Variants in SLC16A5 observed in about 807,000 individuals in gnomAD.
The protein encoded by SLC16A5 is monocarboxylate transporter 6.
A neutral mutation model predicts 33.2 loss-of-function variants in SLC16A5; 29 were observed. The observed-to-expected ratio is 0.87, with a 90% CI of 0.65 to 1.19. The LOEUF (loss-of-function observed/expected upper bound fraction) is 1.19. SLC16A5 is among the 50% of genes most tolerant of loss of function. SLC16A5 has a pLI of 0.00. For synonymous variants in SLC16A5, 248 were observed against 284.1 expected, an observed-to-expected ratio of 0.87 and a Z score of 1.28; for missense variants, 606 against 678.2, an observed-to-expected ratio of 0.89 and a Z score of 1.18.
At chr17:75,102,387 G>A (rs1321426293) in intron 5 of SLC16A5, among the ~76,000 whole-genome samples, 2 of 151,518 alleles carry the variant, frequency 1.3e-5, no homozygotes, top group Non-Finnish European at 2.9e-5. Flanking sequence ...CAGCCTGGGC[G>A]ACAGAGTGAA....
In SLC16A5 at chr17:75,100,518, C is replaced by A. The variant is rs1022176147; in HGVS notation, c.855C>A (p.Ile285=). 6.2e-7 allele frequency: 1 copy of A among 1,614,260 alleles called. No individual in the cohort carries two copies. The highest frequency in any genetic ancestry group is 8.5e-7 in the Non-Finnish European group (1 of 1,180,046). Residue 285 remains isoleucine, a synonymous_variant, in exon 5 of 7, where the codon ATC becomes ATA. Coordinates refer to ENST00000329783, the MANE Select transcript of SLC16A5 (RefSeq NM_004695.4). ...TCTCCATCATCGGCTTCAGCAACATCTTCCTGAGGCCCCTAGCCGGGCTGA... is the reference window on the plus strand; with the variant it reads ...TCTCCATCATCGGCTTCAGCAACATATTCCTGAGGCCCCTAGCCGGGCTGA... The part of the protein sequence containing the change: ...LLISIIGFSN[I]FLRPLAGLMA...
At chr17:75,096,103 C>T (rs1441830097) in intron 3 of SLC16A5, among the ~76,000 whole-genome samples, 1 of 151,806 alleles carries the variant, frequency 6.6e-6, no homozygotes, top group African/African-American at 2.4e-5. Context: ...CGGCACCTGA[C>T]CACAGTATTG....
At chr17:75,102,365 A>T (rs778231096) in intron 5 of SLC16A5, among the ~76,000 whole-genome samples, 2 of 152,134 alleles carry the variant, frequency 1.3e-5, no homozygotes, top group Non-Finnish European at 2.9e-5. Flanking sequence ...CCAAGATCAC[A>T]CCACTGCACT....
downstream of SLC16A5, among the ~76,000 whole-genome samples, chr17:75,109,486 G>A (rs2073889621): frequency 6.6e-6 from 1 of 152,230 alleles, no homozygotes; most frequent in Non-Finnish European, 1.5e-5. The surrounding 1 kb of genome is among the most constrained non-coding windows in gnomAD (Gnocchi z 5.0). Flanking sequence ...GGACCCTGGA[G>A]GTGCTTCTGC....
At chr17:75,093,379 C>T (rs1226570091) in intron 2 of SLC16A5, 1 of 1,534,578 alleles carries the variant, frequency 6.5e-7, no homozygotes, top group South Asian at 1.2e-5. Flanking sequence ...CCTGCCACCT[C>T]CTGCCAGGCT....
In SLC16A5 at chr17:75,100,235, C is replaced by T. The variant is rs890749314; in HGVS notation, c.572C>T (p.Pro191Leu). ...HCCICGAIIR[P>L]VATSVAPETK... ...TGCATCTGCGGGGCCATCATAAGGC[C>T]TGTGGCCACCAGTGTGGCCCCTGAG... The change falls in exon 5 of 7, where the codon CCT becomes CTT. Residue 191 changes from proline to leucine, a missense_variant. Transcript: ENST00000329783. 4 of 1,614,118 alleles carry T rather than the reference C, an allele frequency of 2.5e-6. No individual in the cohort carries two copies. The African/African-American group carries it at 5.3e-5, about 22-fold the overall frequency.
chr17:75,106,211 G>A (rs1341640861), downstream of SLC16A5: 4 of 442,980 alleles, frequency 9.0e-6, no homozygotes, highest in Admixed American at 7.7e-5. Context: ...TGAAAAGTCT[G>A]ACTCGGTGAG....
At chr17:75,096,021 T>A (rs908393585) in intron 3 of SLC16A5, among the ~76,000 whole-genome samples, 18 of 151,652 alleles carry the variant, frequency 1.2e-4, no homozygotes, top group African/African-American at 4.4e-4. Context: ...CTCAGGCTGG[T>A]CTCAAACTCC....
chr17:75,092,951 G>T (rs1013369358), intron 2 of SLC16A5, among the ~76,000 whole-genome samples: 1 of 152,010 alleles, frequency 6.6e-6, no homozygotes, highest in East Asian at 1.9e-4. Flanking sequence ...GGGCCGATGG[G>T]AAAGGCCTGG....
chr17:75,095,522 G>A (rs1416332864), intron 3 of SLC16A5, among the ~76,000 whole-genome samples: 1 of 152,126 alleles, frequency 6.6e-6, no homozygotes, highest in Non-Finnish European at 1.5e-5. Flanking sequence ...TTTTGAGACA[G>A]AGTCTCACTC....
intron 1 of SLC16A5, among the ~76,000 whole-genome samples, chr17:75,088,698 G>A (rs556484351): frequency 6.6e-6 from 1 of 152,122 alleles, no homozygotes; most frequent in African/African-American, 2.4e-5. Flanking sequence ...TTTCCAGCCC[G>A]GGGCTCTCCC....
In SLC16A5 at chr17:75,105,891, C is replaced by T. The variant is rs1328383885; in HGVS notation, c.1376C>T (p.Ser459Phe). 6.2e-7 allele frequency: 1 copy of T among 1,602,872 alleles called. No homozygotes were observed. Among genetic ancestry groups the T allele is most frequent in the South Asian group, 1.1e-5 (1 of 90,030 alleles). ...ATTTTCATGAACAGGTGCCAGTCTT[C>T]CCGCCAGCCACGTCCAGCTGGCGTC... ...QRSPEIMCQS[S>F]RQPRPAGVNK... The change falls in exon 7 of 7, where the codon TCC (serine) becomes TTC (phenylalanine). Residue 459 changes from serine (S) to phenylalanine (F), a missense_variant. Physicochemically the swap from Ser to Phe is radical, Grantham distance 155. Transcript: ENST00000329783.
chr17:75,093,510 TGC>T, intron 2 of SLC16A5, 77 bp from the exon 3 acceptor site: 6 of 1,537,318 alleles, frequency 3.9e-6, no homozygotes, highest in Non-Finnish European at 5.2e-6. Flanking sequence ...ATGGCTTAGC[TGC>T]CCAGAGAAGG....
chr17:75,109,404 A>G (rs377001122), downstream of SLC16A5, among the ~76,000 whole-genome samples: 31 of 152,234 alleles, frequency 2.0e-4, no homozygotes, highest in Admixed American at 5.2e-4. The surrounding 1 kb of genome is among the most constrained non-coding windows in gnomAD (Gnocchi z 5.0). Context: ...TGGGGGGCGT[A>G]AGGAGCTGAC....
In SLC16A5 at chr17:75,101,028, C is replaced by CA. The variant is rs545853440; in HGVS notation, c.1153+213dup. On this transcript the variant is annotated intron_variant, in intron 5 of 6. Transcript: ENST00000329783. ...CTTTGGGAGGCCGGGGCGGGCAGAT[C>CA]ATGAGGTCAGGAGATCGAGACCATC... Among the ~76,000 whole-genome samples the CA allele has an allele frequency of 2.1e-4, 32 of 152,082 alleles. No homozygotes were observed. The South Asian group carries it at 6.7e-3, about 32-fold the overall frequency.
Position 75,098,063 on chromosome 17 carries a change from A to G in SLC16A5, c.225A>G (p.Gly75=). 6.2e-7 allele frequency: 1 copy of G among 1,606,254 alleles called. No individual in the cohort carries two copies. Among genetic ancestry groups the G allele is most frequent in the Non-Finnish European group, 8.5e-7 (1 of 1,177,206 alleles). ...MAGPLCSILV[G]RFGCRVTVML... is the part of the protein sequence containing the mutation. The stretch of plus-strand genomic sequence containing the variant: ...GGCCCCTGTGCAGCATCCTGGTGGG[A>G]CGCTTCGGCTGCCGAGTGACCGTGA... The change falls in exon 4 of 7, where the codon GGA becomes GGG. Residue 75 remains glycine (G), a synonymous_variant. Transcript: ENST00000329783.
At chr17:75,089,691 T>C (rs1405115700) in intron 2 of SLC16A5, among the ~76,000 whole-genome samples, 2 of 147,430 alleles carry the variant, frequency 1.4e-5, no homozygotes, top group African/African-American at 2.5e-5. Flanking sequence ...GAGGCAGAGA[T>C]TGCAGTGAGC....
chr17:75,099,861 C>G (rs2073767097), intron 4 of SLC16A5, 146 bp from the exon 5 acceptor site: 1 of 778,938 alleles, frequency 1.3e-6, no homozygotes, highest in South Asian at 1.9e-5. Context: ...CCAGCTGATT[C>G]CATGGTCAGT....
chr17:75,094,735 A>G (rs1335170122), intron 3 of SLC16A5, among the ~76,000 whole-genome samples: 1 of 150,748 alleles, frequency 6.6e-6, no homozygotes, highest in Non-Finnish European at 1.5e-5. Context: ...CAGGAGCCCC[A>G]GCTCTCCCGG....
Sources: allele counts gnomAD v4.1 joint callset (sites outside exome capture counted in the v4.1 genomes callset), GRCh38; gene constraint gnomAD v4.1.1; non-coding constraint Gnocchi (gnomAD v3.1); transcripts MANE v1.5; gene names NCBI Gene and HGNC (gene_info 2026-07-23, HGNC 2026-07-21).